BTBD1: variants seen among roughly 807,000 people sequenced by gnomAD.
BTBD1 encodes the protein BTB domain containing 1, also known as BTB/POZ domain-containing protein 1.
A neutral mutation model predicts 48.0 loss-of-function variants in BTBD1; 34 were observed. That is an observed-to-expected ratio of 0.71 (90% CI 0.54 to 0.94). The LOEUF is 0.94. BTBD1 is among the 40% of genes least tolerant of loss of function. BTBD1 has a pLI of 0.00. For synonymous variants in BTBD1, 261 were observed against 242.1 expected, an observed-to-expected ratio of 1.08 and a Z score of -0.72; for missense variants, 543 against 625.6, an observed-to-expected ratio of 0.87 and a Z score of 1.41.
In BTBD1 at chr15:83,050,188, T is replaced by A. The variant is rs773413130; in HGVS notation, c.559-10A>T. 6.4e-7 allele frequency: 1 copy of A among 1,562,060 alleles called. No individual in the cohort carries two copies. The highest frequency in any genetic ancestry group is 1.1e-5 in the South Asian group (1 of 89,234). On this transcript the variant is annotated splice_polypyrimidine_tract_variant and intron_variant, in intron 2 of 7. Transcript: ENST00000261721. ...CATCAAATAATCGAGCCTAAACATA[T>A]AAAGAGATAGTTATTTAACTTTCAT...
At chr15:83,049,746 G>C (rs1462709835) in intron 3 of BTBD1, among the ~76,000 whole-genome samples, 3 of 151,930 alleles carry the variant, frequency 2.0e-5, no homozygotes, top group African/African-American at 7.3e-5. Flanking sequence ...TCAAATATTT[G>C]TTCTTTGATT....
intron 2 of BTBD1, among the ~76,000 whole-genome samples, chr15:83,056,048 T>C (rs2033075987): frequency 6.6e-6 from 1 of 151,970 alleles, no homozygotes; most frequent in Admixed American, 6.6e-5. Flanking sequence ...TAGCTGGGAT[T>C]ACAAGCCCGC....
At chr15:83,053,343 T>A (rs911741255) in intron 2 of BTBD1, among the ~76,000 whole-genome samples, 2 of 151,804 alleles carry the variant, frequency 1.3e-5, no homozygotes, top group East Asian at 3.9e-4. Context: ...CTAATTCACA[T>A]GACCCCACCA....
At chr15:83,051,042 A>C (rs74940234) in intron 2 of BTBD1, among the ~76,000 whole-genome samples, 1 of 152,086 alleles carries the variant, frequency 6.6e-6, no homozygotes, top group Non-Finnish European at 1.5e-5. Flanking sequence ...AAAAAAAAAA[A>C]AACAGTTTAT....
chr15:83,054,531 A>G (rs775476119), intron 2 of BTBD1, among the ~76,000 whole-genome samples: 4 of 151,660 alleles, frequency 2.6e-5, no homozygotes, highest in Non-Finnish European at 4.4e-5. Flanking sequence ...CTCATGAGAG[A>G]AGATGTTTTT....
At chr15:83,029,965 G>A in intron 5 of BTBD1, 171 bp downstream of exon 5, 1 of 661,948 alleles carries the variant, frequency 1.5e-6, no homozygotes, top group South Asian at 2.0e-5. Flanking sequence ...AATCAGTGAG[G>A]AGGGCAGGAT....
chr15:83,025,994 C>T (rs1384996568), intron 5 of BTBD1, among the ~76,000 whole-genome samples: 3 of 152,158 alleles, frequency 2.0e-5, no homozygotes, highest in Non-Finnish European at 4.4e-5. Flanking sequence ...TGGTCTCGAT[C>T]TCTTGACCTT....
At chr15:83,033,248 T>C (rs889064822) in intron 4 of BTBD1, among the ~76,000 whole-genome samples, 5 of 151,996 alleles carry the variant, frequency 3.3e-5, no homozygotes, top group African/African-American at 1.2e-4. Context: ...AAAGATGTTT[T>C]TAGACAAAAG....
At position 83,017,796 on chromosome 15, in the gene BTBD1, A is replaced by G. The variant is rs1175158764; in HGVS notation, c.*271T>C. 5.1e-6 allele frequency: 1 copy of G among 197,120 alleles called. No homozygotes were observed. Among genetic ancestry groups the G allele is most frequent in the Non-Finnish European group, 1.0e-5 (1 of 98,178 alleles). 12.2% of individuals were successfully genotyped at this position (197,120 alleles called of 1,614,324 possible). On this transcript the variant is annotated 3_prime_UTR_variant, in exon 8 of 8. Transcript: ENST00000261721. The stretch of plus-strand genomic sequence containing the variant: ...TGAAAGACCCTAAGTCAGCCAATCT[A>G]TGAAATTATACAAGATGAAGGTGAA...
intron 5 of BTBD1, 90 bp downstream of exon 5, chr15:83,030,046 G>T (rs958016439): frequency 1.1e-5 from 13 of 1,148,056 alleles, no homozygotes; most frequent in Non-Finnish European, 1.7e-5. Flanking sequence ...AAAATGAAAT[G>T]TTGGTTAATT....
At chr15:83,040,018 GAC>G (rs1208883386) in intron 4 of BTBD1, among the ~76,000 whole-genome samples, 9 of 132,964 alleles carry the variant, frequency 6.8e-5, no homozygotes. Flanking sequence ...CACACACACG[GAC>G]ACACACACAC....
chr15:83,053,331 G>T (rs2033027191), intron 2 of BTBD1, among the ~76,000 whole-genome samples: 1 of 152,042 alleles, frequency 6.6e-6, no homozygotes, highest in South Asian at 2.1e-4. Context: ...ACAATTTATG[G>T]GCTAATTCAC....
chr15:83,057,614 C>T (rs948283089), intron 1 of BTBD1, among the ~76,000 whole-genome samples: 2 of 152,204 alleles, frequency 1.3e-5, no homozygotes, highest in South Asian at 2.1e-4. Context: ...CTTTCTTGAT[C>T]GTTCCTTTTT....
chr15:83,060,416 A>G (rs1351944056), intron 1 of BTBD1, among the ~76,000 whole-genome samples: 4 of 150,228 alleles, frequency 2.7e-5, no homozygotes, highest in Non-Finnish European at 5.9e-5. Flanking sequence ...AAATTATTAC[A>G]TGTCCTCAAA....
intron 7 of BTBD1, 29 bp downstream of exon 7, chr15:83,018,678 C>T (rs751331989): frequency 2.5e-6 from 4 of 1,605,900 alleles, no homozygotes; most frequent in Non-Finnish European, 3.4e-6. Context: ...CAAGAGGAAA[C>T]CATCTGGAAC....
chr15:83,018,297 A>T, intron 7 of BTBD1, 72 bp from the exon 8 acceptor site: 5 of 1,184,982 alleles, frequency 4.2e-6, no homozygotes, highest in Non-Finnish European at 5.8e-6. Flanking sequence ...TGTTTTAATT[A>T]GATTAATGTT....
At chr15:83,044,690 A>C (rs4842993) in intron 3 of BTBD1, 138,956 of 1,485,686 alleles carry the variant, frequency 0.094, 9,869 homozygotes, top group East Asian at 0.4. Context: ...CAATAACAAG[A>C]AAACTGAAAG....
At chr15:83,021,435 A>G (rs1044246958) in intron 5 of BTBD1, among the ~76,000 whole-genome samples, 1 of 152,116 alleles carries the variant, frequency 6.6e-6, no homozygotes, top group Non-Finnish European at 1.5e-5. Flanking sequence ...CCATTTTGTA[A>G]ATGAATAAAA....
intron 4 of BTBD1, among the ~76,000 whole-genome samples, chr15:83,037,000 AT>A (rs1019150134): frequency 3.9e-5 from 6 of 152,188 alleles, no homozygotes; most frequent in African/African-American, 1.4e-4. Flanking sequence ...TTATTTGTTA[AT>A]TTTACTATAT....
Sources: gnomAD v4.1 joint callset for allele counts (sites outside exome capture counted in the v4.1 genomes callset) on GRCh38, gnomAD v4.1.1 for gene constraint, MANE v1.5 for transcripts, NCBI Gene and HGNC (gene_info 2026-07-23, HGNC 2026-07-21) for gene names.